Variants in NCKAP1 observed in about 807,000 individuals in gnomAD.
The protein encoded by NCKAP1 is NCK associated protein 1, also known as nck-associated protein 1.
A neutral mutation model predicts 151.2 loss-of-function variants in NCKAP1; 21 were observed. The ratio of observed to expected loss-of-function variants is 0.14; its 90% CI spans 0.10 to 0.20. The LOEUF (loss-of-function observed/expected upper bound fraction) is 0.20, where lower values mean the gene tolerates loss of function less well. Ranked by LOEUF, NCKAP1 falls within the 10% of genes least tolerant of loss-of-function variation. NCKAP1 has a pLI of 1.00. For missense variants in NCKAP1, 933 were observed against 1,352.1 expected (o/e 0.69, Z 4.86); for synonymous variants, 484 against 451.8 (o/e 1.07, Z -0.90).
chr2:183,038,215 G>C lies in NCKAP1; in HGVS notation c.-116C>G, dbSNP rs112105579. ...CTCCCGCCCGCGACCTCCGCCTTAG[G>C]AGAGCGCGCCCATGGCCCTCGCGCC... On this transcript the variant is annotated 5_prime_UTR_variant, in exon 1 of 31. Transcript: ENST00000361354. The C allele has an allele frequency of 2.6e-5, 17 of 664,192 alleles. No homozygotes were observed. The highest frequency in any genetic ancestry group is 3.9e-5 in the Non-Finnish European group (17 of 433,626). The allele number at this position is 664,192 out of a possible 1,614,324, so 41.1% of individuals were successfully genotyped here.
intron 22 of NCKAP1, 82 bp downstream of exon 22, chr2:182,952,711 A>C: frequency 7.2e-7 from 1 of 1,391,184 alleles, no homozygotes; most frequent in Non-Finnish European, 9.7e-7. Context: ...GTCACAACAG[A>C]ATCAAAAGTC....
intron 20 of NCKAP1, among the ~76,000 whole-genome samples, chr2:182,954,067 T>C (rs1470646965): frequency 2.0e-5 from 3 of 152,136 alleles, no homozygotes; most frequent in Non-Finnish European, 4.4e-5. Flanking sequence ...AATGTACTTA[T>C]CACTATATCT....
At chr2:182,944,489 C>T (rs528148402) in intron 23 of NCKAP1, among the ~76,000 whole-genome samples, 2 of 152,172 alleles carry the variant, frequency 1.3e-5, no homozygotes, top group African/African-American at 4.8e-5. Context: ...ACGCGCACAA[C>T]CCCAAATAAA....
chr2:183,037,175 G>A (rs1449195745), intron 1 of NCKAP1, among the ~76,000 whole-genome samples: 1 of 152,146 alleles, frequency 6.6e-6, no homozygotes, highest in Non-Finnish European at 1.5e-5. Flanking sequence ...GGGCCTATTA[G>A]CTATAGTTGC....
In NCKAP1 at chr2:182,912,255, A is replaced by G. The variant is rs1180347564; in HGVS notation, c.*13447T>C. ...TAAGGCAACATGTTGCCCATTACGTATTAATAAACTGGATTCAACAAAGAC... is the reference window on the plus strand; with the variant it reads ...TAAGGCAACATGTTGCCCATTACGTGTTAATAAACTGGATTCAACAAAGAC... On this transcript the variant is annotated 3_prime_UTR_variant, in exon 31 of 31. Transcript: ENST00000361354. 6.6e-6 allele frequency: 1 copy of G among 152,194 alleles called. No homozygotes were observed. The highest frequency in any genetic ancestry group is 1.5e-5 in the Non-Finnish European group (1 of 68,034). 9.4% of individuals were successfully genotyped at this position (152,194 alleles called of 1,614,324 possible). A position where few individuals can be genotyped will look rare whatever the true frequency, so the allele number is the denominator to read the frequency against.
chr2:183,024,871 T>C (rs746654547), intron 1 of NCKAP1: 4 of 1,279,992 alleles, frequency 3.1e-6, no homozygotes, highest in African/African-American at 1.5e-5. Flanking sequence ...TAGTTTTCCA[T>C]TGTTTACTAT....
chr2:182,997,046 T>C (rs978696716), intron 6 of NCKAP1, among the ~76,000 whole-genome samples: 2 of 152,240 alleles, frequency 1.3e-5, no homozygotes, highest in African/African-American at 4.8e-5. Context: ...GAGATGTTCC[T>C]AGTAGTCTCT....
intron 17 of NCKAP1, among the ~76,000 whole-genome samples, chr2:182,963,211 C>G (rs1435511657): frequency 6.6e-6 from 1 of 151,902 alleles, no homozygotes; most frequent in Non-Finnish European, 1.5e-5. Flanking sequence ...GATTTACAAC[C>G]TGATATAATT....
At chr2:182,986,124 G>C in intron 10 of NCKAP1, 47 bp downstream of exon 10, 3 of 1,561,678 alleles carry the variant, frequency 1.9e-6, no homozygotes, top group Non-Finnish European at 2.6e-6. Flanking sequence ...GATGCTTTAA[G>C]AATTTTTCTT....
At chr2:182,948,633 G>A (rs1388227504) in intron 23 of NCKAP1, among the ~76,000 whole-genome samples, 2 of 151,828 alleles carry the variant, frequency 1.3e-5, no homozygotes, top group Non-Finnish European at 2.9e-5. Flanking sequence ...CTAGAATAAT[G>A]GACAATACCT....
chr2:182,938,192 C>A (rs927816261), intron 24 of NCKAP1, among the ~76,000 whole-genome samples: 6 of 152,038 alleles, frequency 3.9e-5, no homozygotes, highest in Non-Finnish European at 5.9e-5. Context: ...TATTAAACAT[C>A]TGGAGATCAA....
intron 8 of NCKAP1, among the ~76,000 whole-genome samples, chr2:182,991,589 C>A (rs1698171905): frequency 6.6e-6 from 1 of 151,490 alleles, no homozygotes; most frequent in Non-Finnish European, 1.5e-5. Flanking sequence ...AATAGATTGC[C>A]CAAGATTAGG....
intron 12 of NCKAP1, 98 bp from the exon 13 acceptor site, chr2:182,981,474 T>A: frequency 1.1e-6 from 1 of 928,694 alleles, no homozygotes; most frequent in Non-Finnish European, 1.6e-6. Context: ...AGTATTTTTC[T>A]TATAAAGGGC....
chr2:183,013,156 C>T (rs986631107), intron 2 of NCKAP1, among the ~76,000 whole-genome samples: 2 of 151,966 alleles, frequency 1.3e-5, no homozygotes, highest in African/African-American at 4.8e-5. Flanking sequence ...TATTCCATTC[C>T]TTTCTCTCTC....
intron 24 of NCKAP1, among the ~76,000 whole-genome samples, chr2:182,938,002 T>G (rs761941257): frequency 1.3e-5 from 2 of 152,266 alleles, no homozygotes; most frequent in African/African-American, 2.4e-5. Flanking sequence ...AACTTTTGTA[T>G]GATTCCAAAT....
chr2:183,038,036 C>T lies in NCKAP1; in HGVS notation c.64G>A (p.Asp22Asn). The change falls in exon 1 of 31, where the codon GAC becomes AAC. Residue 22 changes from aspartate (D) to asparagine (N), a missense_variant. By Grantham distance (23) the Asp-to-Asn change is conservative (BLOSUM62 1). Transcript: ENST00000361354. ...KLAEKLTILNDRGVGMLTRLY... is the reference protein window; with the variant it reads ...KLAEKLTILNNRGVGMLTRLY... ...CGGGTGAGCATGCCGACGCCCCGGTCGTTGAGGATGGTGAGCTTCTCCGCC... is the reference window on the plus strand; with the variant it reads ...CGGGTGAGCATGCCGACGCCCCGGTTGTTGAGGATGGTGAGCTTCTCCGCC... 6.3e-7 allele frequency: 1 copy of T among 1,586,184 alleles called. No individual in the cohort carries two copies. Among genetic ancestry groups the T allele is most frequent in the East Asian group, 2.3e-5 (1 of 42,728 alleles).
At chr2:182,939,832 A>AT (rs1176441569) in intron 24 of NCKAP1, among the ~76,000 whole-genome samples, 2 of 152,176 alleles carry the variant, frequency 1.3e-5, no homozygotes. Flanking sequence ...CTTTTTCCAA[A>AT]TTATAGAAAA....
chr2:182,952,204 T>G (rs1367742696), intron 23 of NCKAP1, among the ~76,000 whole-genome samples: 2 of 152,202 alleles, frequency 1.3e-5, no homozygotes, highest in African/African-American at 4.8e-5. Flanking sequence ...TATTTTCGCT[T>G]TCCATTTTCT....
chr2:182,910,953 C>CCG lies in NCKAP1; in HGVS notation c.*14748_*14749insCG, dbSNP rs371707695. Reference sequence around the variant, plus strand: ...AAATAAAAATAAAATCCTAAGCTCCCCCCCCACATTTGACTAAACAGACCC... The same window carrying CCG: ...AAATAAAAATAAAATCCTAAGCTCCCCGCCCCCACATTTGACTAAACAGACCC... On this transcript the variant is annotated 3_prime_UTR_variant, in exon 31 of 31. Transcript: ENST00000361354. The CCG allele has an allele frequency of 6.8e-6, 1 of 146,790 alleles. No homozygotes were observed. The highest frequency in any genetic ancestry group is 2.5e-5 in the African/African-American group (1 of 40,374). The allele number at this position is 146,790 out of a possible 1,614,324, so 9.1% of individuals were successfully genotyped here. A position where few individuals can be genotyped will look rare whatever the true frequency, so the allele number is the denominator to read the frequency against.
Sources: allele counts gnomAD v4.1 joint callset (sites outside exome capture counted in the v4.1 genomes callset), GRCh38; gene constraint gnomAD v4.1.1; transcripts MANE v1.5; gene names NCBI Gene and HGNC (gene_info 2026-07-23, HGNC 2026-07-21).